The following NOL4 variants were observed in gnomAD, a reference collection of about 807,000 sequenced individuals.
The protein encoded by NOL4 is nucleolar protein 4.
Under a neutral mutation model 75.9 loss-of-function variants are expected in NOL4, and 17 were observed. The ratio of observed to expected loss-of-function variants is 0.22; its 90% CI spans 0.15 to 0.34. NOL4 has a LOEUF of 0.34. NOL4 is among the 10% of genes least tolerant of loss of function. NOL4 has a pLI of 1.00. For synonymous variants in NOL4, 292 were observed against 289.9 expected (o/e 1.01, Z -0.07); for missense variants, 614 against 793.5 (o/e 0.77, Z 2.72).
intron 10 of NOL4, 26 bp downstream of exon 10, chr18:33,883,218 A>C (rs2064416196): frequency 6.5e-7 from 1 of 1,536,908 alleles, no homozygotes; most frequent in South Asian, 1.3e-5. Context: ...ATTAAAAAAA[A>C]AACACAATCT....
At chr18:34,081,532 A>G (rs957455426) in intron 5 of NOL4, among the ~76,000 whole-genome samples, 1 of 152,180 alleles carries the variant, frequency 6.6e-6, no homozygotes, top group Non-Finnish European at 1.5e-5. Context: ...TTCATCAATA[A>G]CATATATATT....
At chr18:34,110,974 C>T (rs747591585) in intron 2 of NOL4, among the ~76,000 whole-genome samples, 6 of 151,806 alleles carry the variant, frequency 4.0e-5, no homozygotes, top group East Asian at 1.9e-4. Flanking sequence ...TCAATCAAGA[C>T]GATAAAAGAG....
At chr18:34,171,324 A>G (rs2033016879) in intron 1 of NOL4, among the ~76,000 whole-genome samples, 1 of 152,156 alleles carries the variant, frequency 6.6e-6, no homozygotes, top group African/African-American at 2.4e-5. Context: ...GCTACCATTA[A>G]GTAAAGAAGG....
rs189846238 is a variant in NOL4 at position 34,201,267 on chromosome 18, A to C, written c.264+21723T>G. On this transcript the variant is annotated intron_variant, in intron 1 of 10. Transcript: ENST00000261592. ...TCTAAGTATTTTAAGATATTAACTC[A>C]TTTAATCTTCATAAAAATCCCATGA... is the stretch of plus-strand genomic sequence containing the variant. Among the ~76,000 whole-genome samples, 175 of 151,956 alleles carry C rather than the reference A, an allele frequency of 1.2e-3. 1 individual carries two copies. The highest frequency in any genetic ancestry group is 3.2e-4 in the Non-Finnish European group (22 of 67,802).
At chr18:33,882,793 A>C (rs369194568) in intron 10 of NOL4, among the ~76,000 whole-genome samples, 1,946 of 150,936 alleles carry the variant, frequency 0.013, 38 homozygotes, top group African/African-American at 0.045. Context: ...ATAGCAAAGA[A>C]TTGGAACCAA....
At chr18:33,868,498 G>C (rs970844027) in intron 10 of NOL4, among the ~76,000 whole-genome samples, 3 of 151,998 alleles carry the variant, frequency 2.0e-5, no homozygotes, top group Non-Finnish European at 4.4e-5. Flanking sequence ...CAAAGGGAAG[G>C]TATTCTAAAT....
At chr18:33,908,246 T>C (rs2066182082) in intron 9 of NOL4, among the ~76,000 whole-genome samples, 2 of 152,220 alleles carry the variant, frequency 1.3e-5, no homozygotes, top group South Asian at 4.1e-4. Context: ...AATTAATGTC[T>C]TACAGAAAAC....
chr18:34,138,551 G>A lies in NOL4; in HGVS notation c.265-8531C>T, dbSNP rs539992266. ...AATTAGAGGATGGTGGTTCTACAACGTTCTGAACACACTAAAAATATTGAA... is the reference window on the plus strand; with the variant it reads ...AATTAGAGGATGGTGGTTCTACAACATTCTGAACACACTAAAAATATTGAA... On this transcript the variant is annotated intron_variant, in intron 1 of 10. Coordinates refer to ENST00000261592, the MANE Select transcript of NOL4 (RefSeq NM_003787.5). Among the ~76,000 whole-genome samples the A allele has an allele frequency of 4.6e-5, 7 of 152,212 alleles. No individual in the cohort carries two copies. In the South Asian group the frequency reaches 1.5e-3, roughly 32 times the overall value.
intron 1 of NOL4, chr18:34,221,296 G>A (rs2037282299): frequency 6.6e-6 from 1 of 152,228 alleles, no homozygotes; most frequent in Non-Finnish European, 1.5e-5. Flanking sequence ...TATCCATTCA[G>A]TTAGCTCAGT....
intron 1 of NOL4, among the ~76,000 whole-genome samples, chr18:34,184,967 T>C (rs1381555682): frequency 1.3e-5 from 2 of 152,130 alleles, no homozygotes; most frequent in Non-Finnish European, 2.9e-5. Flanking sequence ...GGAGGCTAAA[T>C]AGGACCTCAG....
chr18:33,933,698 A>G (rs886301974), intron 9 of NOL4, among the ~76,000 whole-genome samples: 3 of 152,184 alleles, frequency 2.0e-5, no homozygotes, highest in African/African-American at 7.2e-5. Context: ...GCAGCAATTC[A>G]GTCACATCTT....
At position 34,223,311 on chromosome 18, in the gene NOL4, C is replaced by T; in HGVS notation, c.-58G>A. ...CCAGCGCACTTCGCACCTGTTCACC[C>T]TAGGCTCATGAAAAATGCAGCCCCG... On this transcript the variant is annotated 5_prime_UTR_variant, in exon 1 of 11. Coordinates refer to ENST00000261592, the MANE Select transcript of NOL4 (RefSeq NM_003787.5). The T allele has an allele frequency of 6.4e-7, 1 of 1,573,272 alleles. No homozygotes were observed. Among genetic ancestry groups the T allele is most frequent in the South Asian group, 1.2e-5 (1 of 86,682 alleles).
intron 9 of NOL4, among the ~76,000 whole-genome samples, chr18:33,915,275 T>C (rs757574953): frequency 2.0e-5 from 3 of 152,084 alleles, no homozygotes; most frequent in Non-Finnish European, 4.4e-5. Context: ...AAACCTGACT[T>C]GGTTCAGGAT....
At chr18:33,927,871 AG>A (rs1355830588) in intron 9 of NOL4, among the ~76,000 whole-genome samples, 1 of 152,114 alleles carries the variant, frequency 6.6e-6, no homozygotes, top group Non-Finnish European at 1.5e-5. Flanking sequence ...GGACCACACG[AG>A]ACATGTCACA....
chr18:34,136,567 T>C (rs999853656), intron 1 of NOL4, among the ~76,000 whole-genome samples: 5 of 152,006 alleles, frequency 3.3e-5, no homozygotes, highest in African/African-American at 1.2e-4. Flanking sequence ...GGGGGAAAAA[T>C]AATTTCTTTT....
intron 9 of NOL4, among the ~76,000 whole-genome samples, chr18:33,939,367 C>T (rs1171506164): frequency 6.6e-6 from 1 of 152,064 alleles, no homozygotes; most frequent in African/African-American, 2.4e-5. Context: ...TTACTTTGGG[C>T]AGTATGGCCA....
intron 9 of NOL4, among the ~76,000 whole-genome samples, chr18:33,942,699 A>C (rs1263271955): frequency 6.6e-6 from 1 of 151,882 alleles, no homozygotes; most frequent in East Asian, 1.9e-4. Context: ...AGGTTGGTTC[A>C]TTTCATTCGA....
intron 5 of NOL4, among the ~76,000 whole-genome samples, chr18:34,029,289 C>T (rs1237374320): frequency 6.6e-6 from 1 of 152,184 alleles, no homozygotes; most frequent in Admixed American, 6.5e-5. Context: ...AAATCACTGT[C>T]TCCCTTATTG....
chr18:34,057,966 T>C (rs1183689646), intron 5 of NOL4, among the ~76,000 whole-genome samples: 1 of 152,170 alleles, frequency 6.6e-6, no homozygotes, highest in Non-Finnish European at 1.5e-5. Context: ...ATTTCAGCTG[T>C]TGATAATTTT....
Sources: allele counts gnomAD v4.1 joint callset (sites outside exome capture counted in the v4.1 genomes callset), GRCh38; gene constraint gnomAD v4.1.1; transcripts MANE v1.5; gene names NCBI Gene and HGNC (gene_info 2026-07-23, HGNC 2026-07-21).